DHRS7B: variants seen among roughly 807,000 people sequenced by gnomAD.
The protein encoded by DHRS7B is dehydrogenase/reductase 7B.
A neutral mutation model predicts 26.4 loss-of-function variants in DHRS7B; 24 were observed. The observed-to-expected ratio is 0.91, with a 90% CI of 0.66 to 1.28. DHRS7B has a LOEUF of 1.28. Among genes scored for constraint, DHRS7B ranks in the 50% most tolerant of loss-of-function variants. DHRS7B has a pLI of 0.00. For missense variants in DHRS7B, 368 were observed against 419.4 expected (o/e 0.88, Z 1.07); for synonymous variants, 142 against 166.4 (o/e 0.85, Z 1.13).
At chr17:21,159,862 CAA>C (rs59176427) in intron 1 of DHRS7B, among the ~76,000 whole-genome samples, 10 of 62,198 alleles carry the variant, frequency 1.6e-4, no homozygotes, top group African/African-American at 4.9e-4. Context: ...GACCCTGTCT[CAA>C]AAAAAAAAAA....
intron 1 of DHRS7B, among the ~76,000 whole-genome samples, chr17:21,149,489 A>G (rs996325059): frequency 1.3e-5 from 2 of 152,222 alleles, no homozygotes; most frequent in African/African-American, 4.8e-5. Context: ...GTGGTGTTCA[A>G]TTCACTCATA....
At chr17:21,175,842 C>T (rs1974363704) in intron 2 of DHRS7B, among the ~76,000 whole-genome samples, 2 of 150,726 alleles carry the variant, frequency 1.3e-5, no homozygotes, top group South Asian at 2.1e-4. Flanking sequence ...GGTGGAGGCT[C>T]GCTTGAGCCT....
intron 1 of DHRS7B, among the ~76,000 whole-genome samples, chr17:21,164,029 G>GTTTTTTTTTTTTTTTT (rs1476090515): frequency 4.6e-5 from 2 of 43,816 alleles, no homozygotes; most frequent in Non-Finnish European, 9.2e-5. Flanking sequence ...CAATTGTTGT[G>GTTTTTTTTTTTTTTTT]CTTTTTTTTT....
intron 1 of DHRS7B, among the ~76,000 whole-genome samples, chr17:21,138,917 C>A (rs1282566646): frequency 2.0e-5 from 3 of 152,050 alleles, no homozygotes; most frequent in Non-Finnish European, 4.4e-5. Flanking sequence ...ATTACATTTA[C>A]CTAATTATTT....
At chr17:21,164,030 C>CTTTTTTTTTTTGTTTTT (rs1974055835) in intron 1 of DHRS7B, among the ~76,000 whole-genome samples, 1 of 96,976 alleles carries the variant, frequency 1.0e-5, no homozygotes, top group Non-Finnish European at 1.9e-5. Flanking sequence ...AATTGTTGTG[C>CTTTTTTTTTTTGTTTTT]TTTTTTTTTT....
intron 1 of DHRS7B, among the ~76,000 whole-genome samples, chr17:21,165,094 C>T (rs528598541): frequency 3.9e-5 from 6 of 152,252 alleles, no homozygotes; most frequent in African/African-American, 1.4e-4. Flanking sequence ...GCGATCATCC[C>T]CATTCTGAGG....
chr17:21,151,104 G>A (rs1035064174), intron 1 of DHRS7B, among the ~76,000 whole-genome samples: 3 of 152,164 alleles, frequency 2.0e-5, no homozygotes, highest in Middle Eastern at 3.2e-3. Flanking sequence ...GAAAAATTAC[G>A]CATCAGATAC....
intron 1 of DHRS7B, among the ~76,000 whole-genome samples, chr17:21,156,058 AAAAG>A (rs1973872148): frequency 6.6e-6 from 1 of 152,194 alleles, no homozygotes; most frequent in South Asian, 2.1e-4. Context: ...GGCAACTAGA[AAAAG>A]AAGAGAAAAT....
At chr17:21,177,418 G>A (rs531843540) in intron 2 of DHRS7B, among the ~76,000 whole-genome samples, 45 of 152,304 alleles carry the variant, frequency 3.0e-4, no homozygotes, top group African/African-American at 4.3e-4. Flanking sequence ...TATAGAGCAC[G>A]TGTCTGACTA....
At chr17:21,162,976 A>G (rs923214518) in intron 1 of DHRS7B, among the ~76,000 whole-genome samples, 50 of 152,204 alleles carry the variant, frequency 3.3e-4, no homozygotes, top group African/African-American at 9.9e-4. Context: ...TGGGTGGATC[A>G]TCTGAGGTGA....
intron 1 of DHRS7B, among the ~76,000 whole-genome samples, chr17:21,158,476 TAGA>T (rs1447203331): frequency 6.6e-6 from 1 of 152,220 alleles, no homozygotes; most frequent in Non-Finnish European, 1.5e-5. Context: ...CGTGAACAAG[TAGA>T]ATTTGAAATT....
rs962967783 is a variant in DHRS7B, at chr17:21,182,198, T to G, written c.310-1396T>G. ...CATCAATTGAGATGATCAAGTGGGG[T>G]TTTTCCCTCGTTCTATTAATGTGAT... On this transcript the variant is annotated intron_variant, in intron 3 of 6. Transcript: ENST00000395511. 2.0e-5 allele frequency among the ~76,000 whole-genome samples: 3 copies of G among 152,072 alleles called. No individual in the cohort carries two copies. The East Asian group carries it at 5.8e-4, about 29-fold the overall frequency.
At chr17:21,160,293 G>A (rs1048678884) in intron 1 of DHRS7B, among the ~76,000 whole-genome samples, 2 of 152,152 alleles carry the variant, frequency 1.3e-5, no homozygotes, top group African/African-American at 4.8e-5. Context: ...GGAGGCGGAG[G>A]TTGCAGTGAT....
At chr17:21,171,847 ATG>A (rs1974254493) in intron 1 of DHRS7B, 169 bp from the exon 2 acceptor site, 1 of 802,648 alleles carries the variant, frequency 1.2e-6, no homozygotes, top group East Asian at 2.6e-5. Context: ...AAGTTCTACA[ATG>A]CTGAACAGTC....
At chr17:21,153,846 C>G (rs1400165722) in intron 1 of DHRS7B, among the ~76,000 whole-genome samples, 3 of 151,892 alleles carry the variant, frequency 2.0e-5, no homozygotes, top group African/African-American at 7.3e-5. Flanking sequence ...GATACAGTTT[C>G]AACATGAATT....
chr17:21,139,912 A>G (rs1241732606), intron 1 of DHRS7B, among the ~76,000 whole-genome samples: 1 of 151,948 alleles, frequency 6.6e-6, no homozygotes, highest in Non-Finnish European at 1.5e-5. Flanking sequence ...ATGTATTTTT[A>G]GTAGTGAAAC....
At chr17:21,164,884 A>G (rs1350790016) in intron 1 of DHRS7B, among the ~76,000 whole-genome samples, 4 of 152,172 alleles carry the variant, frequency 2.6e-5, no homozygotes, top group Non-Finnish European at 2.9e-5. Context: ...TGTGGGTGTG[A>G]AGGAATACGG....
At chr17:21,168,543 GT>G (rs1555538725) in intron 1 of DHRS7B, among the ~76,000 whole-genome samples, 1 of 152,028 alleles carries the variant, frequency 6.6e-6, no homozygotes, top group Non-Finnish European at 1.5e-5. Flanking sequence ...TAGTTTATGT[GT>G]TTTTTGTAGA....
chr17:21,185,187 C>T (rs762847421), intron 5 of DHRS7B, among the ~76,000 whole-genome samples: 5 of 152,206 alleles, frequency 3.3e-5, no homozygotes, highest in Non-Finnish European at 7.3e-5. Context: ...ATTTCACAAA[C>T]TGTCCTTTCT....
Sources: gnomAD v4.1 joint callset for allele counts (sites outside exome capture counted in the v4.1 genomes callset) on GRCh38, gnomAD v4.1.1 for gene constraint, MANE v1.5 for transcripts, NCBI Gene and HGNC (gene_info 2026-07-23, HGNC 2026-07-21) for gene names.